Variants in EXOC6 observed in about 807,000 individuals in gnomAD.
EXOC6 encodes SEC15-like 1.
Under a neutral mutation model 112.5 loss-of-function variants are expected in EXOC6, and 60 were observed. The ratio of observed to expected loss-of-function variants is 0.53; its 90% CI spans 0.43 to 0.66. The LOEUF is 0.66. Ranked by LOEUF, EXOC6 falls within the 30% of genes least tolerant of loss-of-function variation. EXOC6 has a pLI of 0.00. For synonymous variants in EXOC6, 295 were observed against 308.0 expected (o/e 0.96, Z 0.44); for missense variants, 855 against 957.1 (o/e 0.89, Z 1.41).
chr10:92,914,332 A>G (rs1012980615), intron 6 of EXOC6, among the ~76,000 whole-genome samples: 1 of 152,256 alleles, frequency 6.6e-6, no homozygotes, highest in Non-Finnish European at 1.5e-5. Context: ...AGGGAGAACA[A>G]AAGGACTAAA....
At chr10:92,875,980 C>G (rs1015863488) in intron 1 of EXOC6, among the ~76,000 whole-genome samples, 4 of 151,894 alleles carry the variant, frequency 2.6e-5, no homozygotes, top group African/African-American at 9.7e-5. Context: ...CAAAAGTACT[C>G]CATATTTGGT....
intron 18 of EXOC6, among the ~76,000 whole-genome samples, chr10:92,986,165 T>A (rs1842998760): frequency 6.6e-6 from 1 of 152,182 alleles, no homozygotes. Context: ...TGTTGAATGT[T>A]GTTGACTGAC....
intron 5 of EXOC6, among the ~76,000 whole-genome samples, chr10:92,905,407 C>T (rs1215505567): frequency 6.6e-6 from 1 of 151,968 alleles, no homozygotes; most frequent in African/African-American, 2.4e-5. Flanking sequence ...TCTTCGTATT[C>T]ATTAATATGG....
chr10:92,975,291 G>C (rs1340482407), intron 18 of EXOC6, among the ~76,000 whole-genome samples: 1 of 150,500 alleles, frequency 6.6e-6, no homozygotes, highest in Non-Finnish European at 1.5e-5. Flanking sequence ...GTCTCTGCTC[G>C]GCCGCCCCGT....
At chr10:92,911,885 T>C (rs1315186334) in intron 6 of EXOC6, among the ~76,000 whole-genome samples, 1 of 151,664 alleles carries the variant, frequency 6.6e-6, no homozygotes, top group African/African-American at 2.4e-5. Flanking sequence ...ATGCTACCTT[T>C]CAATTTCTTG....
At chr10:92,872,247 CAA>C (rs1848487983) in intron 1 of EXOC6, among the ~76,000 whole-genome samples, 2 of 151,952 alleles carry the variant, frequency 1.3e-5, no homozygotes, top group South Asian at 4.2e-4. Context: ...CCCTTTGATC[CAA>C]AAGTTTTTTT....
rs541644955 is a variant in EXOC6, at chr10:92,857,425, A to T, written c.101+8791A>T. Reference sequence around the variant, plus strand: ...ATTACTATAATTGTTACTTTTTATAATTTTTTGTCTTTTAAAGAAGCAGAA... The same window carrying T: ...ATTACTATAATTGTTACTTTTTATATTTTTTTGTCTTTTAAAGAAGCAGAA... On this transcript the variant is annotated intron_variant, in intron 1 of 21. Coordinates refer to ENST00000260762, the MANE Select transcript of EXOC6 (RefSeq NM_019053.6). Among the ~76,000 whole-genome samples, 16 of 151,792 alleles carry T rather than the reference A, an allele frequency of 1.1e-4. No homozygotes were observed. In the South Asian group the frequency reaches 3.3e-3, roughly 31 times the overall value.
At chr10:93,032,602 G>A (rs942141274) in intron 20 of EXOC6, among the ~76,000 whole-genome samples, 5 of 152,154 alleles carry the variant, frequency 3.3e-5, no homozygotes, top group African/African-American at 1.2e-4. Flanking sequence ...ATTTTCAGAT[G>A]TTTCTTCATT....
At chr10:92,927,650 G>T (rs1851798369) in intron 8 of EXOC6, among the ~76,000 whole-genome samples, 1 of 152,106 alleles carries the variant, frequency 6.6e-6, no homozygotes, top group Non-Finnish European at 1.5e-5. Context: ...TCATCACAGG[G>T]AGTTCCATTG....
At chr10:92,981,114 A>G (rs559628895) in intron 18 of EXOC6, among the ~76,000 whole-genome samples, 1 of 152,336 alleles carries the variant, frequency 6.6e-6, no homozygotes, top group East Asian at 1.9e-4. Context: ...ACACTATTCT[A>G]AGGTGATTGT....
At chr10:92,989,862 C>T (rs1290920331) in intron 18 of EXOC6, among the ~76,000 whole-genome samples, 1 of 152,124 alleles carries the variant, frequency 6.6e-6, no homozygotes, top group Non-Finnish European at 1.5e-5. Context: ...GAAAGTTTGG[C>T]ACTTGAATAT....
chr10:92,893,625 A>C, intron 2 of EXOC6, 105 bp downstream of exon 2: 1 of 946,434 alleles, frequency 1.1e-6, no homozygotes, highest in South Asian at 1.8e-5. Context: ...TACTTTCAAG[A>C]AGTGAATTAG....
intron 17 of EXOC6, among the ~76,000 whole-genome samples, chr10:92,965,902 T>C (rs924508800): frequency 2.0e-5 from 3 of 152,180 alleles, no homozygotes; most frequent in Non-Finnish European, 2.9e-5. Flanking sequence ...TTTAATCATA[T>C]TCCTGCTCGG....
intron 20 of EXOC6, among the ~76,000 whole-genome samples, chr10:93,041,577 A>AT (rs1290054370): frequency 2.3e-4 from 34 of 150,886 alleles, no homozygotes; most frequent in African/African-American, 4.2e-4. Context: ...TACCTGGCTA[A>AT]TTTTTTTTGT....
chr10:92,989,998 C>T (rs1843164798), intron 18 of EXOC6, among the ~76,000 whole-genome samples: 1 of 151,834 alleles, frequency 6.6e-6, no homozygotes, highest in South Asian at 2.1e-4. Context: ...TCCAGGTATA[C>T]AAAAATCAAC....
intron 1 of EXOC6, among the ~76,000 whole-genome samples, chr10:92,890,618 A>G (rs1849452604): frequency 1.3e-5 from 2 of 152,122 alleles, no homozygotes; most frequent in Admixed American, 1.3e-4. Flanking sequence ...GTTTTAGAAG[A>G]TTAAAAAATA....
At chr10:92,943,631 G>A (rs994270197) in intron 13 of EXOC6, among the ~76,000 whole-genome samples, 3 of 151,192 alleles carry the variant, frequency 2.0e-5, no homozygotes, top group South Asian at 2.1e-4. Context: ...ATGAGGTACA[G>A]TTTGATGTTT....
At chr10:93,054,551 A>AT in intron 20 of EXOC6, among the ~76,000 whole-genome samples, 1 of 152,236 alleles carries the variant, frequency 6.6e-6, no homozygotes, top group Non-Finnish European at 1.5e-5. Context: ...CACATAAGAG[A>AT]TTTGCATATG....
At chr10:92,861,362 G>A (rs1847903160) in intron 1 of EXOC6, among the ~76,000 whole-genome samples, 1 of 152,162 alleles carries the variant, frequency 6.6e-6, no homozygotes, top group African/African-American at 2.4e-5. Flanking sequence ...GCCTCTCTCA[G>A]TGTGGAGCCT....
Sources: allele counts gnomAD v4.1 joint callset (sites outside exome capture counted in the v4.1 genomes callset), GRCh38; gene constraint gnomAD v4.1.1; transcripts MANE v1.5; gene names NCBI Gene and HGNC (gene_info 2026-07-23, HGNC 2026-07-21).